The following STRA8 variants were observed in gnomAD, a reference collection of about 807,000 sequenced individuals.
STRA8 encodes the protein stimulated by retinoic acid gene 8 protein homolog.
Under a neutral mutation model 37.1 loss-of-function variants are expected in STRA8, and 18 were observed. That is an observed-to-expected ratio of 0.48 (90% CI 0.34 to 0.72). The LOEUF is 0.72. Among genes scored for constraint, STRA8 ranks in the 30% least tolerant of loss-of-function variants. STRA8 has a pLI of 0.01. For missense variants in STRA8, 357 were observed against 410.4 expected (o/e 0.87, Z 1.13); for synonymous variants, 168 against 162.9 (o/e 1.03, Z -0.24).
chr7:135,248,932 A>G (rs959563653), intron 6 of STRA8, among the ~76,000 whole-genome samples: 21 of 152,300 alleles, frequency 1.4e-4, no homozygotes, highest in African/African-American at 4.8e-4. Context: ...TGGGTCCACC[A>G]TGAGAAGACA....
intron 1 of STRA8, among the ~76,000 whole-genome samples, chr7:135,239,450 G>A (rs1024570094): frequency 6.6e-6 from 1 of 152,208 alleles, no homozygotes; most frequent in African/African-American, 2.4e-5. Context: ...ACTGAGCTCA[G>A]CAGGGAGTAG....
chr7:135,255,350 A>C, intron 8 of STRA8, 125 bp downstream of exon 8: 1 of 674,450 alleles, frequency 1.5e-6, no homozygotes, highest in Non-Finnish European at 2.6e-6. Flanking sequence ...GGGCAGGGAC[A>C]CTCTCCATTC....
In STRA8 at chr7:135,245,385, G is replaced by A. The variant is rs1366347077; in HGVS notation, c.451G>A (p.Glu151Lys). ...DAEEEEDEEE[E>K]DQEEEEEEEE... is the part of the protein sequence containing the mutation. ...TGAGGAGGAGGAAGATGAGGAAGAG[G>A]AAGATCAAGAAGAAGAGGAGGAGGA... The change falls in exon 5 of 9, where the codon GAA becomes AAA. Residue 151 changes from glutamate to lysine, a missense_variant. Physicochemically the swap from Glu to Lys is moderately conservative, Grantham distance 56. Coordinates refer to ENST00000662584, the MANE Select transcript of STRA8 (RefSeq NM_001394401.1). 1 of 774,298 alleles carries A rather than the reference G, an allele frequency of 1.3e-6. No individual in the cohort carries two copies. The highest frequency in any genetic ancestry group is 1.7e-5 in the African/African-American group (1 of 57,328). 48.0% of individuals were successfully genotyped at this position (774,298 alleles called of 1,614,324 possible).
chr7:135,244,872 G>A lies in STRA8; in HGVS notation c.354-416G>A, dbSNP rs1257553283. 3.9e-5 allele frequency among the ~76,000 whole-genome samples: 6 copies of A among 152,130 alleles called. No homozygotes were observed. In the East Asian group the frequency reaches 1.2e-3, roughly 29 times the overall value. Reference sequence around the variant, plus strand: ...AATTTTGAATAGAAGTAGTAAGAGTGGACAGTCTCATTTTATTCCTGATCA... The same window carrying A: ...AATTTTGAATAGAAGTAGTAAGAGTAGACAGTCTCATTTTATTCCTGATCA... On this transcript the variant is annotated intron_variant, in intron 4 of 8. Transcript: ENST00000662584.
chr7:135,243,251 G>A, intron 3 of STRA8, 75 bp from the exon 4 acceptor site: 1 of 1,511,818 alleles, frequency 6.6e-7, no homozygotes, highest in Non-Finnish European at 9.2e-7. Context: ...AGCCCACCTG[G>A]GCCAGAAGGG....
intron 1 of STRA8, among the ~76,000 whole-genome samples, chr7:135,236,517 C>T (rs1832380818): frequency 6.6e-6 from 1 of 152,154 alleles, no homozygotes; most frequent in Non-Finnish European, 1.5e-5. Context: ...AATTCTTGCT[C>T]ATTTTAGATG....
intron 1 of STRA8, among the ~76,000 whole-genome samples, chr7:135,237,591 T>A (rs1832396189): frequency 6.6e-6 from 1 of 152,100 alleles, no homozygotes; most frequent in Non-Finnish European, 1.5e-5. Context: ...AAGTGTATTA[T>A]TAGATAAAAA....
At chr7:135,238,219 T>C (rs767944960) in intron 1 of STRA8, among the ~76,000 whole-genome samples, 19 of 152,110 alleles carry the variant, frequency 1.2e-4, no homozygotes, top group Non-Finnish European at 2.5e-4. Context: ...GGGTGTAAAT[T>C]TCCCCCAGCT....
intron 1 of STRA8, among the ~76,000 whole-genome samples, chr7:135,234,495 T>C (rs942730730): frequency 1.3e-5 from 2 of 152,206 alleles, no homozygotes; most frequent in Admixed American, 6.5e-5. Flanking sequence ...CAGTGTATTA[T>C]ACTGTCTGGG....
intron 5 of STRA8, among the ~76,000 whole-genome samples, 99 bp downstream of exon 5, chr7:135,245,626 C>T (rs1216875726): frequency 6.6e-6 from 1 of 152,086 alleles, no homozygotes; most frequent in Non-Finnish European, 1.5e-5. Flanking sequence ...CAGCTGTGTG[C>T]CCCAGCTGGA....
chr7:135,246,136 A>C lies in STRA8; in HGVS notation c.594-281A>C. The C allele has an allele frequency of 2.0e-6, 1 of 496,080 alleles. No homozygotes were observed. The highest frequency in any genetic ancestry group is 3.6e-6 in the Non-Finnish European group (1 of 276,542). The allele number at this position is 496,080 out of a possible 1,614,324, so 30.7% of individuals were successfully genotyped here. ...CCTTAGGATGAGAGCTGAGGCAGCT[A>C]CGCCTCTTATCTGCTTCTGTCTAAC... On this transcript the variant is annotated intron_variant, in intron 5 of 8. Transcript: ENST00000662584. The surrounding 1 kb of genome is among the most constrained non-coding windows in gnomAD (Gnocchi z 5.4).
Position 135,240,672 on chromosome 7 carries a change from C to T in STRA8, c.148C>T (p.Leu50Phe). Reference sequence around the variant, plus strand: ...CACCCTGGCAGCGCTCTTCAACAACCTCAGGAAGACAGTGTACTCTCAGTC... The same window carrying T: ...CACCCTGGCAGCGCTCTTCAACAACTTCAGGAAGACAGTGTACTCTCAGTC... ...RATLAALFNN[L>F]RKTVYSQSDL... The change falls in exon 2 of 9, where the codon CTC becomes TTC. Residue 50 changes from leucine (L) to phenylalanine (F), a missense_variant. Physicochemically the swap from Leu to Phe is conservative, Grantham distance 22. Transcript: ENST00000662584. 1 of 1,614,066 alleles carries T rather than the reference C, an allele frequency of 6.2e-7. No homozygotes were observed. Among genetic ancestry groups the T allele is most frequent in the Non-Finnish European group, 8.5e-7 (1 of 1,180,002 alleles).
intron 8 of STRA8, among the ~76,000 whole-genome samples, chr7:135,256,035 T>G (rs1832699714): frequency 6.6e-6 from 1 of 152,226 alleles, no homozygotes; most frequent in African/African-American, 2.4e-5. Context: ...GACTCTTGGT[T>G]AGGAGGGCCA....
rs117917236 is a variant in STRA8, at chr7:135,238,350, C to A, written c.-6-2169C>A. 0.013 allele frequency among the ~76,000 whole-genome samples: 1,991 copies of A among 152,256 alleles called. 132 individuals are homozygous for A. The East Asian group carries it at 0.21, about 16-fold the overall frequency. ...GAGCAGCCCTGGCGGCTCCTAGAGG[C>A]GACTGGTGGGAAGTCTGCCCCCTAT... On this transcript the variant is annotated intron_variant, in intron 1 of 8. Coordinates refer to ENST00000662584, the MANE Select transcript of STRA8 (RefSeq NM_001394401.1).
At chr7:135,251,332 G>A (rs563608143) in intron 6 of STRA8, among the ~76,000 whole-genome samples, 6 of 152,274 alleles carry the variant, frequency 3.9e-5, no homozygotes, top group African/African-American at 1.2e-4. Flanking sequence ...CACAGGCCTG[G>A]GAGTTGGCCT....
upstream of STRA8, among the ~76,000 whole-genome samples, chr7:135,232,972 C>T (rs1177351343): frequency 6.6e-6 from 1 of 152,208 alleles, no homozygotes; most frequent in East Asian, 1.9e-4. Flanking sequence ...TGGCCCTGAG[C>T]CGGGCACTTC....
upstream of STRA8, among the ~76,000 whole-genome samples, chr7:135,232,534 T>A (rs1832308819): frequency 6.6e-6 from 1 of 151,928 alleles, no homozygotes; most frequent in African/African-American, 2.4e-5. Context: ...TCCCGGCTAC[T>A]CAGGAGGCTG....
chr7:135,256,625 C>G (rs952775701), intron 8 of STRA8, among the ~76,000 whole-genome samples: 1 of 152,124 alleles, frequency 6.6e-6, no homozygotes, highest in African/African-American at 2.4e-5. Context: ...GACAACATGG[C>G]AGAGCCTCAC....
chr7:135,232,450 T>C (rs911236189), upstream of STRA8, among the ~76,000 whole-genome samples: 2 of 151,940 alleles, frequency 1.3e-5, no homozygotes, highest in African/African-American at 4.8e-5. Context: ...AATGAACATT[T>C]TAAATTTTCC....
Sources: allele counts gnomAD v4.1 joint callset (sites outside exome capture counted in the v4.1 genomes callset), GRCh38; gene constraint gnomAD v4.1.1; non-coding constraint Gnocchi (gnomAD v3.1); transcripts MANE v1.5; gene names NCBI Gene and HGNC (gene_info 2026-07-23, HGNC 2026-07-21).